The following SLC66A1 variants were observed in gnomAD, a reference collection of about 807,000 sequenced individuals.
SLC66A1 encodes solute carrier family 66 member 1.
A neutral mutation model predicts 33.0 loss-of-function variants in SLC66A1; 23 were observed. That is an observed-to-expected ratio of 0.70 (90% confidence interval 0.50 to 0.99). SLC66A1 has a LOEUF of 0.99. SLC66A1 is among the 50% of genes least tolerant of loss of function. SLC66A1 has a pLI of 0.00. For synonymous variants in SLC66A1, 164 were observed against 175.5 expected, an observed-to-expected ratio of 0.93 and a Z score of 0.52; for missense variants, 335 against 383.6, an observed-to-expected ratio of 0.87 and a Z score of 1.06.
chr1:19,317,656 C>A lies in SLC66A1; in HGVS notation c.-22C>A. On this transcript the variant is annotated 5_prime_UTR_variant, in exon 2 of 8. Coordinates refer to ENST00000375153, the MANE Select transcript of SLC66A1 (RefSeq NM_001040125.2). Reference sequence around the variant, plus strand: ...TCCCTCCGGTGCAGCCCTGCCTGGCCGGGGGCCCCTCCTCCACAGCCATGG... The same window carrying A: ...TCCCTCCGGTGCAGCCCTGCCTGGCAGGGGGCCCCTCCTCCACAGCCATGG... The A allele has an allele frequency of 6.2e-7, 1 of 1,612,560 alleles. No homozygotes were observed. Among genetic ancestry groups the A allele is most frequent in the South Asian group, 1.1e-5 (1 of 90,904 alleles).
At chr1:19,332,724 G>A (rs1268501885), downstream of SLC66A1, among the ~76,000 whole-genome samples, 1 of 152,228 alleles carries the variant, frequency 6.6e-6, no homozygotes, top group African/African-American at 2.4e-5. Context: ...CTCCACAGGT[G>A]GCTTCCCTTT....
chr1:19,314,971 G>A (rs1026581596), intron 1 of SLC66A1, among the ~76,000 whole-genome samples: 1 of 152,020 alleles, frequency 6.6e-6, no homozygotes, highest in Non-Finnish European at 1.5e-5. Flanking sequence ...GCAATGGCGC[G>A]ATCTCAGCTC....
In SLC66A1 at chr1:19,312,329, A is replaced by G. The variant is rs1402142696; in HGVS notation, c.-639A>G. ...CTGACCCGGCGGGCCTTGACCCAGA[A>G]GCTGGGCCCTGGCGGCGGATCTGGA... On this transcript the variant is annotated 5_prime_UTR_variant, in exon 1 of 8. Transcript: ENST00000375153. 6.9e-6 allele frequency: 2 copies of G among 288,394 alleles called. No homozygotes were observed. Among genetic ancestry groups the G allele is most frequent in the African/African-American group, 2.2e-5 (1 of 45,170 alleles). 17.9% of individuals were successfully genotyped at this position (288,394 alleles called of 1,614,324 possible).
At position 19,319,605 on chromosome 1, in the gene SLC66A1, G is replaced by GTTTTTTTTTTTTTTTT. The variant is rs569177720; in HGVS notation, c.164+1765_164+1780dup. Among the ~76,000 whole-genome samples, 14 of 111,852 alleles carry GTTTTTTTTTTTTTTTT rather than the reference G, an allele frequency of 1.3e-4. 1 individual carries two copies. The highest frequency in any genetic ancestry group is 8.4e-4 in the East Asian group (3 of 3,586). The allele number at this position is 111,852 out of a possible 152,430, so 73.4% of individuals were successfully genotyped here. On this transcript the variant is annotated intron_variant, in intron 2 of 7. Coordinates refer to ENST00000375153, the MANE Select transcript of SLC66A1 (RefSeq NM_001040125.2). ...GATTAATGTTGCTGTGCACATTCAT[G>GTTTTTTTTTTTTTTTT]TTTTTTTTTTTTTTTTGCCTGGTGC...
At chr1:19,321,896 G>A (rs214313) in intron 2 of SLC66A1, among the ~76,000 whole-genome samples, 109,448 of 151,958 alleles carry the variant, frequency 0.72, 39,649 homozygotes, top group African/African-American at 0.78. Flanking sequence ...CCAGGTGTTG[G>A]AAAGACTGTC....
downstream of SLC66A1, among the ~76,000 whole-genome samples, chr1:19,333,143 C>G (rs955546779): frequency 1.3e-5 from 2 of 152,198 alleles, no homozygotes; most frequent in African/African-American, 2.4e-5. This position sits in a 1 kb window ranked among gnomAD's most constrained non-coding sequence, Gnocchi z 4.2. Context: ...CAGCCCTGTG[C>G]CGAGCACTGG....
intron 1 of SLC66A1, 134 bp from the exon 2 acceptor site, chr1:19,317,466 A>C: frequency 8.5e-7 from 1 of 1,177,180 alleles, no homozygotes. Flanking sequence ...TGGTGGGTGA[A>C]GATTATGTCT....
At position 19,326,349 on chromosome 1, in the gene SLC66A1, C is replaced by CG; in HGVS notation, c.492dup (p.Arg165AlafsTer122). 1 of 1,606,212 alleles carries CG rather than the reference C, an allele frequency of 6.2e-7. No homozygotes were observed. The highest frequency in any genetic ancestry group is 8.5e-7 in the Non-Finnish European group (1 of 1,179,304). ...CGTGGCTGCCCCTAGGGAAGCCTTC[C>CG]GGGGGCGGGCGCTCCTGTCCGTGGA... On this transcript the variant is annotated frameshift_variant, in exon 5 of 8. Coordinates refer to ENST00000375153, the MANE Select transcript of SLC66A1 (RefSeq NM_001040125.2). LOFTEE classifies it high-confidence loss of function.
In SLC66A1 at chr1:19,317,790, G is replaced by A; in HGVS notation, c.113G>A (p.Ser38Asn). ...ECAQDGWDEA[S>N]VGLGLISILC... Reference sequence around the variant, plus strand: ...GCCCAGGACGGCTGGGACGAGGCCAGCGTGGGCCTGGGCTTGATCTCCATT... The same window carrying A: ...GCCCAGGACGGCTGGGACGAGGCCAACGTGGGCCTGGGCTTGATCTCCATT... The change falls in exon 2 of 8, where the codon AGC becomes AAC. Residue 38 changes from serine to asparagine, a missense_variant. By Grantham distance (46) the Ser-to-Asn change is conservative. Coordinates refer to ENST00000375153, the MANE Select transcript of SLC66A1 (RefSeq NM_001040125.2). 6.2e-7 allele frequency: 1 copy of A among 1,614,188 alleles called. No homozygotes were observed. The highest frequency in any genetic ancestry group is 1.3e-5 in the African/African-American group (1 of 75,054).
downstream of SLC66A1, among the ~76,000 whole-genome samples, chr1:19,334,206 C>T (rs76917484): frequency 9.6e-3 from 1,468 of 152,292 alleles, 55 homozygotes; most frequent in East Asian, 0.13. Flanking sequence ...ACTCAGTAGG[C>T]GCTGAATGTT....
chr1:19,328,764 C>A lies in SLC66A1; in HGVS notation c.*121C>A. The A allele has an allele frequency of 1.8e-6, 2 of 1,087,444 alleles. No homozygotes were observed. The highest frequency in any genetic ancestry group is 2.7e-6 in the Non-Finnish European group (2 of 749,560). 67.4% of individuals were successfully genotyped at this position (1,087,444 alleles called of 1,614,324 possible). On this transcript the variant is annotated 3_prime_UTR_variant, in exon 8 of 8. Transcript: ENST00000375153. The surrounding 1 kb of genome is among the most constrained non-coding windows in gnomAD (Gnocchi z 4.7). ...GCCTGCGGGTGGCCTCTGGATCCTC[C>A]GTGGACCGAACCGTCCCCCCAGGAA...
intron 1 of SLC66A1, among the ~76,000 whole-genome samples, chr1:19,316,410 G>A (rs116333818): frequency 6.7e-6 from 1 of 149,434 alleles, no homozygotes; most frequent in African/African-American, 2.5e-5. Flanking sequence ...TTTAAGACAG[G>A]GTTCAGCTCT....
chr1:19,324,916 G>A (rs565005325), intron 3 of SLC66A1, among the ~76,000 whole-genome samples, 154 bp downstream of exon 3: 31 of 152,320 alleles, frequency 2.0e-4, no homozygotes, highest in East Asian at 3.9e-4. Flanking sequence ...TCTGTCTGCC[G>A]AACTGTGACT....
intron 1 of SLC66A1, among the ~76,000 whole-genome samples, chr1:19,315,739 CCT>C (rs374804532): frequency 3.3e-5 from 5 of 151,542 alleles, no homozygotes; most frequent in Non-Finnish European, 5.9e-5. Flanking sequence ...TCCCTCTCTC[CCT>C]CTCTCTCTCT....
At chr1:19,313,126 T>C in intron 1 of SLC66A1, 2 of 879,680 alleles carry the variant, frequency 2.3e-6, no homozygotes, top group Non-Finnish European at 2.7e-6. Context: ...GCAGTCAGCC[T>C]AGGTGGTGGG....
intron 4 of SLC66A1, 56 bp downstream of exon 4, chr1:19,325,638 T>G (rs214315): frequency 0.53 from 413,959 of 775,044 alleles, 97,259 homozygotes; most frequent in East Asian, 0.74. Flanking sequence ...GGGGCAGTTG[T>G]GGGGGGGGGC....
chr1:19,333,933 C>CAA (rs1007060951), downstream of SLC66A1, among the ~76,000 whole-genome samples: 5 of 89,368 alleles, frequency 5.6e-5, no homozygotes, highest in Admixed American at 3.4e-4. The surrounding 1 kb of genome is among the most constrained non-coding windows in gnomAD (Gnocchi z 4.2). Context: ...CAAAACAAAA[C>CAA]AAAACACAGG....
chr1:19,315,284 T>C (rs1168220537), intron 1 of SLC66A1, among the ~76,000 whole-genome samples: 1 of 152,192 alleles, frequency 6.6e-6, no homozygotes. Context: ...GCTTCCAACA[T>C]CATCTGTGCT....
rs759546843 is a variant in SLC66A1 at position 19,325,453 on chromosome 1, C to T, written c.295-42C>T. On this transcript the variant is annotated intron_variant, in intron 3 of 7. Coordinates refer to ENST00000375153, the MANE Select transcript of SLC66A1 (RefSeq NM_001040125.2). ...GGCTGCCGGGGCGTGGTCTCAGATC[C>T]TGGGACTGCGCCAACCCCTGGGCCC... 20 of 1,458,678 alleles carry T rather than the reference C, an allele frequency of 1.4e-5. No homozygotes were observed. The South Asian group carries it at 1.9e-4, about 14-fold the overall frequency. 90.4% of individuals were successfully genotyped at this position (1,458,678 alleles called of 1,614,324 possible).
Sources: gnomAD v4.1 joint callset for allele counts (sites outside exome capture counted in the v4.1 genomes callset) on GRCh38, gnomAD v4.1.1 for gene constraint, Gnocchi (gnomAD v3.1) non-coding constraint, MANE v1.5 for transcripts, NCBI Gene and HGNC (gene_info 2026-07-23, HGNC 2026-07-21) for gene names.